Variants in STIL observed in about 807,000 individuals in gnomAD.
The protein encoded by STIL is SCL-interrupting locus protein.
In STIL, 55 loss-of-function variants were observed where a neutral mutation model predicts 110.1. The ratio of observed to expected loss-of-function variants is 0.50; its 90% confidence interval spans 0.40 to 0.63. The LOEUF is 0.63. STIL is among the 20% of genes least tolerant of loss of function. The probability of loss-of-function intolerance (pLI) is 0.00; values close to 1 mark genes in which losing one functional copy is unlikely to be tolerated. For missense variants in STIL, 1,358 were observed against 1,530.0 expected, an observed-to-expected ratio of 0.89 and a Z score of 1.87; for synonymous variants, 481 against 530.0, an observed-to-expected ratio of 0.91 and a Z score of 1.27.
intron 10 of STIL, among the ~76,000 whole-genome samples, chr1:47,284,753 G>A (rs1026250364): frequency 5.9e-5 from 9 of 152,034 alleles, no homozygotes; most frequent in African/African-American, 2.2e-4. Flanking sequence ...AGCCGGGCGT[G>A]GTGATGCACA....
At chr1:47,309,438 T>C (rs1646059735) in intron 2 of STIL, among the ~76,000 whole-genome samples, 1 of 151,914 alleles carries the variant, frequency 6.6e-6, no homozygotes, top group Non-Finnish European at 1.5e-5. Context: ...ACCGACAAAT[T>C]TTCAAATAAG....
rs567929914 is a variant in STIL at position 47,283,805 on chromosome 1, T to C, written c.1134-1346A>G. ...TACATTCTTTTGTATACCTGAGTTG[T>C]GGCATGGAATTAATATCTGTTTTGT... On this transcript the variant is annotated intron_variant, in intron 10 of 16. Coordinates refer to ENST00000371877, the MANE Select transcript of STIL (RefSeq NM_001048166.1). The C allele has an allele frequency of 2.7e-5, 4 of 150,854 alleles. No individual in the cohort carries two copies. In the South Asian group the frequency reaches 6.2e-4, roughly 24 times the overall value. The allele number at this position is 150,854 out of a possible 1,614,324, so 9.3% of individuals were successfully genotyped here.
chr1:47,289,667 C>T, intron 8 of STIL, 82 bp from the exon 9 acceptor site: 1 of 1,350,948 alleles, frequency 7.4e-7, no homozygotes, highest in South Asian at 1.2e-5. Flanking sequence ...GTCTCCCAAT[C>T]TAGTTAACAA....
intron 16 of STIL, among the ~76,000 whole-genome samples, chr1:47,259,006 T>TTTTTTTTTTTTTTTTTTG (rs55925437): frequency 1.9e-5 from 1 of 51,702 alleles, no homozygotes; most frequent in African/African-American, 6.5e-5. Context: ...TTTTTTTTTT[T>TTTTTTTTTTTTTTTTTTG]GAGACAGTCT....
intron 12 of STIL, among the ~76,000 whole-genome samples, chr1:47,275,252 C>G (rs78378804): frequency 6.6e-6 from 1 of 151,260 alleles, no homozygotes; most frequent in Admixed American, 6.6e-5. Context: ...AAAAAAAAAA[C>G]TTACTTAAAT....
chr1:47,295,076 C>T (rs2149127602), intron 7 of STIL, among the ~76,000 whole-genome samples: 1 of 152,116 alleles, frequency 6.6e-6, no homozygotes, highest in South Asian at 2.1e-4. Flanking sequence ...CACGCACCAC[C>T]ATGCCTGGCT....
chr1:47,267,854 T>A (rs1480550544), intron 14 of STIL, among the ~76,000 whole-genome samples: 1 of 151,912 alleles, frequency 6.6e-6, no homozygotes, highest in Admixed American at 6.6e-5. Context: ...GGACTACATG[T>A]GTGCACCACC....
At chr1:47,261,907 C>CAA (rs200699660) in intron 15 of STIL, among the ~76,000 whole-genome samples, 4 of 82,050 alleles carry the variant, frequency 4.9e-5, no homozygotes, top group Admixed American at 1.4e-4. Context: ...GACTCTGTCT[C>CAA]AAAAAAAAAA....
intron 15 of STIL, among the ~76,000 whole-genome samples, chr1:47,262,451 C>T (rs946723554): frequency 6.6e-6 from 1 of 152,170 alleles, no homozygotes; most frequent in South Asian, 2.1e-4. Flanking sequence ...CCCCTAGGCT[C>T]TCAAGGGCAC....
At chr1:47,289,045 G>A (rs1468944734) in intron 9 of STIL, among the ~76,000 whole-genome samples, 1 of 127,402 alleles carries the variant, frequency 7.8e-6, no homozygotes, top group African/African-American at 3.0e-5. Context: ...CTGGGCAACT[G>A]AGTGAGATTC....
chr1:47,253,909 T>C (rs1569988998), intron 16 of STIL, among the ~76,000 whole-genome samples: 1 of 152,094 alleles, frequency 6.6e-6, no homozygotes, highest in African/African-American at 2.4e-5. Flanking sequence ...CCAGGCATGG[T>C]GGCTCCCGCC....
At chr1:47,272,702 A>G (rs542529939) in intron 12 of STIL, among the ~76,000 whole-genome samples, 3 of 152,130 alleles carry the variant, frequency 2.0e-5, no homozygotes, top group Non-Finnish European at 4.4e-5. Flanking sequence ...TGCCCACCTC[A>G]GCCTTTAAGT....
chr1:47,280,286 C>T lies in STIL; in HGVS notation c.2172G>A (p.Arg724=). 3.1e-6 allele frequency: 5 copies of T among 1,614,234 alleles called. No homozygotes were observed. Among genetic ancestry groups the T allele is most frequent in the Non-Finnish European group, 4.2e-6 (5 of 1,180,032 alleles). Residue 724 remains arginine (R), a synonymous_variant, in exon 12 of 17, where the codon CGG becomes CGA. Transcript: ENST00000371877. The part of the protein sequence containing the change: ...GMMGLSPDAY[R]FLTEQDRQLR... ...GCTGTCTGTCTTGTTCTGTGAGGAACCGATATGCATCTGGAGATAGTCCCA... is the reference window on the plus strand; with the variant it reads ...GCTGTCTGTCTTGTTCTGTGAGGAATCGATATGCATCTGGAGATAGTCCCA...
At chr1:47,294,481 TCCAGA>T (rs1177059061) in intron 7 of STIL, among the ~76,000 whole-genome samples, 1 of 152,214 alleles carries the variant, frequency 6.6e-6, no homozygotes, top group Non-Finnish European at 1.5e-5. Context: ...GCCCAGGAGT[TCCAGA>T]CCAGCCTGGG....
rs1644149989 is a variant in STIL, at chr1:47,250,188, GAC to G, written c.*946_*947del. 5.9e-6 allele frequency: 1 copy of G among 168,200 alleles called. No individual in the cohort carries two copies. Among genetic ancestry groups the G allele is most frequent in the South Asian group, 2.0e-4 (1 of 4,964 alleles). 10.4% of individuals were successfully genotyped at this position (168,200 alleles called of 1,614,324 possible). On this transcript the variant is annotated 3_prime_UTR_variant, in exon 17 of 17. Coordinates refer to ENST00000371877, the MANE Select transcript of STIL (RefSeq NM_001048166.1). The stretch of plus-strand genomic sequence containing the variant: ...ATTAAGTTCTATTAAAAAATATTAA[GAC>G]ATCTGAAAAACTCAGAAAGTTTATA...
chr1:47,252,382 T>C (rs901394641), intron 16 of STIL, among the ~76,000 whole-genome samples: 8 of 151,670 alleles, frequency 5.3e-5, no homozygotes, highest in African/African-American at 1.9e-4. Context: ...ACCCTGTCTC[T>C]TAAAAAAGAA....
At chr1:47,312,452 CAA>C (rs1008201063) in intron 1 of STIL, among the ~76,000 whole-genome samples, 3 of 132,904 alleles carry the variant, frequency 2.3e-5, no homozygotes, top group African/African-American at 2.8e-5. Flanking sequence ...GACTCCGTCT[CAA>C]AAAAAAAAAA....
intron 4 of STIL, 62 bp from the exon 5 acceptor site, chr1:47,301,810 G>C: frequency 6.7e-7 from 1 of 1,494,490 alleles, no homozygotes; most frequent in Non-Finnish European, 9.3e-7. Flanking sequence ...AATCAACCAA[G>C]CAAGACTACA....
intron 14 of STIL, among the ~76,000 whole-genome samples, chr1:47,265,248 A>AAAC (rs1419329671): frequency 1.3e-5 from 2 of 150,634 alleles, no homozygotes; most frequent in Non-Finnish European, 1.5e-5. Context: ...AAAAAAAAAA[A>AAAC]AAAAAAAAAA....
Sources: gnomAD v4.1 joint callset for allele counts (sites outside exome capture counted in the v4.1 genomes callset) on GRCh38, gnomAD v4.1.1 for gene constraint, MANE v1.5 for transcripts, NCBI Gene and HGNC (gene_info 2026-07-23, HGNC 2026-07-21) for gene names.